Variants in CADM1 observed in about 807,000 individuals in gnomAD.
The protein encoded by CADM1 is cell adhesion molecule 1, also known as TSLC-1.
Under a neutral mutation model 53.1 loss-of-function variants are expected in CADM1, and 15 were observed. The ratio of observed to expected loss-of-function variants is 0.28; its 90% CI spans 0.19 to 0.44. The LOEUF is 0.44. Among genes scored for constraint, CADM1 ranks in the 20% least tolerant of loss-of-function variants. The probability of loss-of-function intolerance (pLI) is 1.00; values close to 1 mark genes in which losing one functional copy is unlikely to be tolerated. For synonymous variants in CADM1, 281 were observed against 243.0 expected, an observed-to-expected ratio of 1.16 and a Z score of -1.45; for missense variants, 434 against 611.3, an observed-to-expected ratio of 0.71 and a Z score of 3.06.
At chr11:115,394,877 G>A (rs1313886055) in intron 1 of CADM1, among the ~76,000 whole-genome samples, 1 of 152,096 alleles carries the variant, frequency 6.6e-6, no homozygotes, top group Non-Finnish European at 1.5e-5. Flanking sequence ...CAAAACGCTA[G>A]AGATAATTAA....
chr11:115,176,794 C>T (rs1032486035), intron 11 of CADM1, among the ~76,000 whole-genome samples: 2 of 152,100 alleles, frequency 1.3e-5, no homozygotes, highest in Admixed American at 6.5e-5. Context: ...CCAACTGAAC[C>T]GCTGCGATAT....
intron 1 of CADM1, among the ~76,000 whole-genome samples, chr11:115,390,353 G>A (rs1031744811): frequency 1.3e-5 from 2 of 151,896 alleles, no homozygotes; most frequent in Non-Finnish European, 2.9e-5. Context: ...TTCACTGAGA[G>A]AGAGGGAGAA....
intron 6 of CADM1, 101 bp from the exon 7 acceptor site, chr11:115,214,881 G>C (rs1397896371): frequency 8.7e-7 from 1 of 1,144,788 alleles, no homozygotes; most frequent in South Asian, 1.2e-5. Context: ...GGACCTACTG[G>C]AGATATTTTA....
chr11:115,215,228 T>C (rs1124848), intron 6 of CADM1, among the ~76,000 whole-genome samples: 2,149 of 152,330 alleles, frequency 0.014, 53 homozygotes, highest in African/African-American at 0.049. Context: ...GATATTTAGA[T>C]GGATTTTGAG....
intron 1 of CADM1, among the ~76,000 whole-genome samples, chr11:115,394,778 C>A (rs537535024): frequency 6.6e-6 from 1 of 152,134 alleles, no homozygotes; most frequent in South Asian, 2.1e-4. Flanking sequence ...TCCCTACGAG[C>A]CACATGACTT....
chr11:115,340,865 T>G (rs1247560081), intron 1 of CADM1, among the ~76,000 whole-genome samples: 1 of 151,056 alleles, frequency 6.6e-6, no homozygotes, highest in African/African-American at 2.4e-5. Context: ...TTTCTCAATG[T>G]TGGCCAGGCT....
chr11:115,375,658 G>A (rs1946419389), intron 1 of CADM1, among the ~76,000 whole-genome samples: 2 of 152,128 alleles, frequency 1.3e-5, no homozygotes, highest in African/African-American at 4.8e-5. Flanking sequence ...ACAATGTGTT[G>A]TTAAAGTTGT....
At chr11:115,355,003 A>C (rs936092978) in intron 1 of CADM1, among the ~76,000 whole-genome samples, 5 of 152,202 alleles carry the variant, frequency 3.3e-5, no homozygotes, top group Admixed American at 2.0e-4. Context: ...TCTTGAACAA[A>C]AACACTCCTC....
intron 10 of CADM1, among the ~76,000 whole-genome samples, chr11:115,190,074 C>T (rs1939772405): frequency 6.6e-6 from 1 of 152,200 alleles, no homozygotes; most frequent in Non-Finnish European, 1.5e-5. Flanking sequence ...TAAGTGTCTA[C>T]AGTCCTATGA....
rs1341929470 is a variant in CADM1 at position 115,171,328 on chromosome 11, T to C, written c.*5146A>G. On this transcript the variant is annotated 3_prime_UTR_variant, in exon 12 of 12. Coordinates refer to ENST00000331581, the MANE Select transcript of CADM1 (RefSeq NM_001301043.2). ...GTAACACAGTGGCCACATGGTTTCT[T>C]TGAGGTTCTTGATGACAGAATCAAA... 6.6e-6 allele frequency: 1 copy of C among 152,174 alleles called. No homozygotes were observed. The highest frequency in any genetic ancestry group is 1.5e-5 in the Non-Finnish European group (1 of 68,020). 9.4% of individuals were successfully genotyped at this position (152,174 alleles called of 1,614,324 possible). A position where few individuals can be genotyped will look rare whatever the true frequency, so the allele number is the denominator to read the frequency against.
At chr11:115,442,422 AAG>A (rs1948337230) in intron 1 of CADM1, among the ~76,000 whole-genome samples, 1 of 152,158 alleles carries the variant, frequency 6.6e-6, no homozygotes, top group African/African-American at 2.4e-5. Flanking sequence ...AAAATGACAC[AAG>A]AGAAGTTCTC....
At chr11:115,395,168 AC>A (rs1946963461) in intron 1 of CADM1, among the ~76,000 whole-genome samples, 1 of 152,170 alleles carries the variant, frequency 6.6e-6, no homozygotes, top group African/African-American at 2.4e-5. Flanking sequence ...ACACCCCCAA[AC>A]AATTAGATCA....
rs543650402 is a variant in CADM1 at position 115,179,207 on chromosome 11, T to A, written c.1166-432A>T. The A allele has an allele frequency of 2.6e-5, 6 of 226,564 alleles. No individual in the cohort carries two copies. The East Asian group carries it at 5.3e-4, about 20-fold the overall frequency. 14.0% of individuals were successfully genotyped at this position (226,564 alleles called of 1,614,324 possible). A position where few individuals can be genotyped will look rare whatever the true frequency, so the allele number is the denominator to read the frequency against. ...TTCTATAGACGCCCAATGACTTTTA[T>A]TATCTGGTAGATTAGGGATATGCAT... On this transcript the variant is annotated intron_variant, in intron 10 of 11. Coordinates refer to ENST00000331581, the MANE Select transcript of CADM1 (RefSeq NM_001301043.2).
chr11:115,235,078 T>C (rs773734908), intron 3 of CADM1, among the ~76,000 whole-genome samples: 15 of 151,984 alleles, frequency 9.9e-5, no homozygotes, highest in Non-Finnish European at 2.1e-4. Context: ...GAAACAGGCA[T>C]GTATACTGGG....
intron 1 of CADM1, among the ~76,000 whole-genome samples, chr11:115,463,113 C>CA (rs978051910): frequency 2.3e-4 from 35 of 152,136 alleles, no homozygotes; most frequent in Admixed American, 9.8e-4. Flanking sequence ...AGACTCTCCC[C>CA]AAAAAAATGC....
rs549523070 is a variant in CADM1 at position 115,307,485 on chromosome 11, G to T, written c.125-67065C>A. The stretch of plus-strand genomic sequence containing the variant: ...AAAAATCAGAAGAACATTTTTAAAT[G>T]AATTTTCAACTATTTAAGCCAGGAA... On this transcript the variant is annotated intron_variant, in intron 1 of 11. Transcript: ENST00000331581. Among the ~76,000 whole-genome samples, 170 of 135,380 alleles carry T rather than the reference G, an allele frequency of 1.3e-3. 1 individual carries two copies. Among genetic ancestry groups the T allele is most frequent in the Non-Finnish European group, 2.2e-3 (142 of 64,608 alleles). 88.8% of individuals were successfully genotyped at this position (135,380 alleles called of 152,430 possible). A position where few individuals can be genotyped will look rare whatever the true frequency, so the allele number is the denominator to read the frequency against.
intron 1 of CADM1, among the ~76,000 whole-genome samples, chr11:115,442,152 T>C (rs1400736984): frequency 1.3e-5 from 2 of 151,758 alleles, no homozygotes; most frequent in Non-Finnish European, 2.9e-5. Context: ...CAGTCAAGGA[T>C]GTCACACTAG....
At chr11:115,441,701 GAGA>G in intron 1 of CADM1, among the ~76,000 whole-genome samples, 1 of 152,214 alleles carries the variant, frequency 6.6e-6, no homozygotes, top group Middle Eastern at 3.4e-3. Flanking sequence ...TGAAATCAAT[GAGA>G]AGTTGTTCTG....
chr11:115,190,706 T>G (rs1470038668), intron 10 of CADM1, 182 bp downstream of exon 10: 2 of 576,044 alleles, frequency 3.5e-6, no homozygotes, highest in African/African-American at 3.7e-5. Context: ...TAAATATCGC[T>G]ACCACAGAGA....
Sources: gnomAD v4.1 joint callset for allele counts (sites outside exome capture counted in the v4.1 genomes callset) on GRCh38, gnomAD v4.1.1 for gene constraint, MANE v1.5 for transcripts, NCBI Gene and HGNC (gene_info 2026-07-23, HGNC 2026-07-21) for gene names.